TSHR: variants seen among roughly 807,000 people sequenced by gnomAD.
The protein encoded by TSHR is thyroid stimulating hormone receptor.
TSHR carries 51 observed loss-of-function variants against 64.1 expected under a neutral mutation model. The ratio of observed to expected loss-of-function variants is 0.80; its 90% CI spans 0.64 to 1.01. The LOEUF is 1.01. Ranked by LOEUF, TSHR falls within the 50% of genes least tolerant of loss-of-function variation. The probability of loss-of-function intolerance (pLI) is 0.00; values close to 1 mark genes in which losing one functional copy is unlikely to be tolerated. For missense variants in TSHR, 877 were observed against 942.8 expected (o/e 0.93, Z 0.91); for synonymous variants, 361 against 361.9 (o/e 1.00, Z 0.03).
At chr14:81,045,758 G>A (rs1027078718) in intron 1 of TSHR, among the ~76,000 whole-genome samples, 11 of 151,872 alleles carry the variant, frequency 7.2e-5, no homozygotes, top group African/African-American at 1.9e-4. Context: ...AAATAATATC[G>A]GACATATACT....
In TSHR at chr14:81,092,393, G is replaced by A; in HGVS notation, c.468-138G>A. The A allele has an allele frequency of 3.6e-6, 3 of 835,076 alleles. No individual in the cohort carries two copies. The South Asian group carries it at 4.3e-5, about 12-fold the overall frequency. The allele number at this position is 835,076 out of a possible 1,614,324, so 51.7% of individuals were successfully genotyped here. A position where few individuals can be genotyped will look rare whatever the true frequency, so the allele number is the denominator to read the frequency against. On this transcript the variant is annotated intron_variant, in intron 5 of 9. Coordinates refer to ENST00000298171, the MANE Select transcript of TSHR (RefSeq NM_000369.5). ...AGACCTCTGAGCCACTAGCGGTTAA[G>A]AAGGGTCAGTGAAACTTAAAAAGAA...
At chr14:80,957,041 C>T (rs1454100216) in intron 1 of TSHR, among the ~76,000 whole-genome samples, 8 of 152,176 alleles carry the variant, frequency 5.3e-5, no homozygotes, top group Admixed American at 5.2e-4. Context: ...TCAAGTCTTT[C>T]CAACCTCATT....
chr14:81,083,779 A>T (rs1251677556), intron 3 of TSHR, among the ~76,000 whole-genome samples: 1 of 152,208 alleles, frequency 6.6e-6, no homozygotes, highest in Non-Finnish European at 1.5e-5. Context: ...TTTATAAAGG[A>T]AAGAGGTTTC....
chr14:81,070,818 T>C (rs1324468382), intron 3 of TSHR, among the ~76,000 whole-genome samples: 1 of 151,946 alleles, frequency 6.6e-6, no homozygotes, highest in African/African-American at 2.4e-5. Context: ...TAGAAAAAGA[T>C]AGATACTTCA....
chr14:80,980,213 G>A (rs72693073), intron 1 of TSHR, among the ~76,000 whole-genome samples: 41,196 of 151,794 alleles, frequency 0.27, 6,457 homozygotes, highest in South Asian at 0.38. Context: ...ATTCATTTTT[G>A]TGGGAACATT....
At chr14:81,032,693 CAAG>C (rs756087475) in intron 1 of TSHR, 15 of 428,816 alleles carry the variant, frequency 3.5e-5, no homozygotes, top group East Asian at 6.5e-5. Context: ...GTGATGCATA[CAAG>C]AAGAAGGGAC....
chr14:80,958,608 A>G (rs946205683), intron 1 of TSHR, among the ~76,000 whole-genome samples: 3 of 152,194 alleles, frequency 2.0e-5, no homozygotes, highest in Admixed American at 6.5e-5. Flanking sequence ...GAAGAGAGGC[A>G]AGGAGGACAA....
chr14:81,136,233 G>C (rs913787492), intron 8 of TSHR, among the ~76,000 whole-genome samples: 3 of 151,790 alleles, frequency 2.0e-5, no homozygotes, highest in African/African-American at 7.2e-5. Flanking sequence ...TACTATGTGA[G>C]GAATGGATTG....
chr14:81,010,919 T>C (rs1451976371), intron 1 of TSHR, among the ~76,000 whole-genome samples: 3 of 151,284 alleles, frequency 2.0e-5, no homozygotes, highest in African/African-American at 7.3e-5. Flanking sequence ...AGGTCGCTGC[T>C]GAGAACTCCA....
chr14:81,109,440 C>CA (rs926618938), intron 8 of TSHR, among the ~76,000 whole-genome samples: 4 of 151,922 alleles, frequency 2.6e-5, no homozygotes, highest in African/African-American at 9.7e-5. Context: ...CAAAACAAAA[C>CA]AAAAAAACAA....
At chr14:81,075,919 G>A (rs1326140520) in intron 3 of TSHR, among the ~76,000 whole-genome samples, 6 of 151,944 alleles carry the variant, frequency 3.9e-5, no homozygotes, top group African/African-American at 9.7e-5. Context: ...TGATAGACTG[G>A]ATTAAGAAAA....
intron 3 of TSHR, among the ~76,000 whole-genome samples, chr14:81,069,233 A>C (rs1397267332): frequency 6.6e-6 from 1 of 152,008 alleles, no homozygotes; most frequent in Non-Finnish European, 1.5e-5. Flanking sequence ...ATGCAGAGAG[A>C]CTAAATATGT....
At chr14:80,975,581 G>A (rs1010934787) in intron 1 of TSHR, among the ~76,000 whole-genome samples, 2 of 152,148 alleles carry the variant, frequency 1.3e-5, no homozygotes, top group Admixed American at 1.3e-4. Flanking sequence ...TTGCTCTTCT[G>A]ATTTTTTTAC....
intron 6 of TSHR, among the ~76,000 whole-genome samples, chr14:81,093,169 C>T (rs939331943): frequency 6.6e-6 from 1 of 152,200 alleles, no homozygotes; most frequent in Non-Finnish European, 1.5e-5. Context: ...CACTTTTACT[C>T]AGTAATCACA....
At chr14:81,002,781 CTTTTTTTTTT>C (rs1174635270) in intron 1 of TSHR, among the ~76,000 whole-genome samples, 1 of 44,324 alleles carries the variant, frequency 2.3e-5, no homozygotes, top group East Asian at 2.0e-3. Context: ...CCTAATGCCT[CTTTTTTTTTT>C]TTTTTTTTTT....
intron 1 of TSHR, among the ~76,000 whole-genome samples, chr14:81,058,839 A>G (rs1426869033): frequency 6.6e-6 from 1 of 152,096 alleles, no homozygotes; most frequent in African/African-American, 2.4e-5. Flanking sequence ...TTTTTCTTTC[A>G]TTTGCATTTA....
rs1891827982 is a variant in TSHR at position 81,144,023 on chromosome 14, T to C, written c.1965T>C (p.Thr655=). The part of the protein sequence containing the change: ...LSAILNKPLI[T]VSNSKILLVL... The stretch of plus-strand genomic sequence containing the variant: ...CAATTCTGAACAAGCCTCTCATCAC[T>C]GTTAGCAACTCCAAAATCTTGCTGG... Residue 655 remains threonine (T), a synonymous_variant, in exon 10 of 10, where the codon ACT becomes ACC. Transcript: ENST00000298171. 1 of 1,614,192 alleles carries C rather than the reference T, an allele frequency of 6.2e-7. No individual in the cohort carries two copies. Among genetic ancestry groups the C allele is most frequent in the South Asian group, 1.1e-5 (1 of 91,078 alleles).
chr14:81,102,830 G>C, intron 7 of TSHR: 1 of 985,388 alleles, frequency 1.0e-6, no homozygotes. Flanking sequence ...TGAATTTCTG[G>C]TAAAGGTTAA....
At chr14:81,045,140 T>C (rs61978744) in intron 1 of TSHR, among the ~76,000 whole-genome samples, 21,486 of 152,148 alleles carry the variant, frequency 0.14, 1,766 homozygotes, top group Non-Finnish European at 0.19. Context: ...ATCAAACTGA[T>C]GCAGGAAGAG....
Sources: gnomAD v4.1 joint callset for allele counts (sites outside exome capture counted in the v4.1 genomes callset) on GRCh38, gnomAD v4.1.1 for gene constraint, MANE v1.5 for transcripts, NCBI Gene and HGNC (gene_info 2026-07-23, HGNC 2026-07-21) for gene names.